BRIP1: variants seen among roughly 807,000 people sequenced by gnomAD.
BRIP1 encodes BRCA1 interacting DNA helicase 1.
BRIP1 carries 88 observed loss-of-function variants against 119.7 expected under a neutral mutation model. The ratio of observed to expected loss-of-function variants is 0.74; its 90% CI spans 0.62 to 0.88. The LOEUF (loss-of-function observed/expected upper bound fraction) is 0.88. Among genes scored for constraint, BRIP1 ranks in the 40% least tolerant of loss-of-function variants. The pLI is 0.00. For synonymous variants in BRIP1, 443 were observed against 496.5 expected, an observed-to-expected ratio of 0.89 and a Z score of 1.43; for missense variants, 1,259 against 1,455.4, an observed-to-expected ratio of 0.87 and a Z score of 2.20.
Position 61,755,452 on chromosome 17 carries a change from A to G in BRIP1, c.2098-10861T>C, listed in dbSNP as rs2077187951. On this transcript the variant is annotated intron_variant, in intron 14 of 19. Transcript: ENST00000259008. The surrounding 1 kb of genome is among the most constrained non-coding windows in gnomAD (Gnocchi z 4.5). ...TGTGTGCCTGTGATCCCAGTTACTC[A>G]GGAGGCTGAGGTGGGAGGACTGCTT... Among the ~76,000 whole-genome samples, 1 of 152,076 alleles carries G rather than the reference A, an allele frequency of 6.6e-6. No individual in the cohort carries two copies. Among genetic ancestry groups the G allele is most frequent in the Non-Finnish European group, 1.5e-5 (1 of 67,990 alleles).
chr17:61,771,961 C>CA (rs986446492), intron 14 of BRIP1, among the ~76,000 whole-genome samples: 5 of 151,052 alleles, frequency 3.3e-5, no homozygotes, highest in African/African-American at 1.2e-4. Context: ...GACTCCATCT[C>CA]AAAAAAAGAA....
chr17:61,711,934 C>T (rs1243076254), intron 17 of BRIP1, among the ~76,000 whole-genome samples: 1 of 151,682 alleles, frequency 6.6e-6, no homozygotes, highest in African/African-American at 2.4e-5. Flanking sequence ...CAGTGGGTGA[C>T]ATGTTCTAGG....
chr17:61,825,656 A>G lies in BRIP1; in HGVS notation c.628-16899T>C, dbSNP rs1264615547. 3.3e-5 allele frequency among the ~76,000 whole-genome samples: 5 copies of G among 151,126 alleles called. No individual in the cohort carries two copies. In the East Asian group the frequency reaches 7.7e-4, roughly 23 times the overall value. On this transcript the variant is annotated intron_variant, in intron 6 of 19. Transcript: ENST00000259008. This position sits in a 1 kb window ranked among gnomAD's most constrained non-coding sequence, Gnocchi z 4.1. ...AAATAAATAAATAAATAAATAAATA[A>G]ATAAATAAATAAAATAACTGGGAAT...
rs2145236078 is a variant in BRIP1, at chr17:61,793,504, C to G, written c.1473+93G>C. 1.6e-6 allele frequency: 2 copies of G among 1,216,278 alleles called. No homozygotes were observed. 75.3% of individuals were successfully genotyped at this position (1,216,278 alleles called of 1,614,324 possible). A position where few individuals can be genotyped will look rare whatever the true frequency, so the allele number is the denominator to read the frequency against. ...AATTAAATTGCTATATTTAACAATT[C>G]TGGGTTACTCACTAGATTTAATCTG... On this transcript the variant is annotated intron_variant, in intron 10 of 19. Coordinates refer to ENST00000259008, the MANE Select transcript of BRIP1 (RefSeq NM_032043.3). The surrounding 1 kb of genome is among the most constrained non-coding windows in gnomAD (Gnocchi z 5.2).
rs1049365514 is a variant in BRIP1, at chr17:61,808,957, G to A, written c.628-200C>T. ...TTGGTCCTCATTCTTTCTTTTAAAA[G>A]TTATAAATGATATTTCCAAATTTGC... On this transcript the variant is annotated intron_variant, in intron 6 of 19. Transcript: ENST00000259008. The surrounding 1 kb of genome is among the most constrained non-coding windows in gnomAD (Gnocchi z 4.1). Among the ~76,000 whole-genome samples, 3 of 152,046 alleles carry A rather than the reference G, an allele frequency of 2.0e-5. No individual in the cohort carries two copies. Among genetic ancestry groups the A allele is most frequent in the African/African-American group, 7.2e-5 (3 of 41,404 alleles).
chr17:61,799,347 T>C lies in BRIP1; in HGVS notation c.1141-48A>G, dbSNP rs775810811. The stretch of plus-strand genomic sequence containing the variant: ...TGTAAAACATTTGGCAAAATAGATT[T>C]AACAACAGCAGGCAAGATATTTCAT... On this transcript the variant is annotated intron_variant, in intron 8 of 19. Transcript: ENST00000259008. The surrounding 1 kb of genome is among the most constrained non-coding windows in gnomAD (Gnocchi z 5.1). The C allele has an allele frequency of 5.6e-6, 8 of 1,418,360 alleles. No homozygotes were observed. In the African/African-American group the frequency reaches 9.9e-5, roughly 18 times the overall value. The allele number at this position is 1,418,360 out of a possible 1,614,324, so 87.9% of individuals were successfully genotyped here. A position where few individuals can be genotyped will look rare whatever the true frequency, so the allele number is the denominator to read the frequency against.
chr17:61,698,715 T>A (rs1247235565), intron 17 of BRIP1, among the ~76,000 whole-genome samples: 3 of 152,058 alleles, frequency 2.0e-5, no homozygotes, highest in Non-Finnish European at 2.9e-5. Context: ...TTTTATTTTT[T>A]ATTTTTATTT....
intron 11 of BRIP1, 22 bp downstream of exon 11, chr17:61,784,248 C>T (rs2145134191): frequency 6.2e-7 from 1 of 1,602,144 alleles, no homozygotes. Flanking sequence ...AAGGAAAATA[C>T]ATACTAGTTA....
At position 61,730,974 on chromosome 17, in the gene BRIP1, A is replaced by C. The variant is rs1022214037; in HGVS notation, c.2379+12039T>G. Among the ~76,000 whole-genome samples the C allele has an allele frequency of 3.3e-5, 5 of 152,136 alleles. No homozygotes were observed. Among genetic ancestry groups the C allele is most frequent in the Non-Finnish European group, 7.4e-5 (5 of 68,006 alleles). On this transcript the variant is annotated intron_variant, in intron 16 of 19. Transcript: ENST00000259008. The surrounding 1 kb of genome is among the most constrained non-coding windows in gnomAD (Gnocchi z 4.3). ...TTTTGCTGGCCAAGGTAAATATACA[A>C]TTTATTAACCTAGACAGCTTACTTA...
rs1052684288 is a variant in BRIP1, at chr17:61,844,635, A to C, written c.627+2466T>G. Reference sequence around the variant, plus strand: ...ACAATTCCCAAGAAAAAAAAATCTTAATCACAGGTGACTCTATACTTGATT... The same window carrying C: ...ACAATTCCCAAGAAAAAAAAATCTTCATCACAGGTGACTCTATACTTGATT... On this transcript the variant is annotated intron_variant, in intron 6 of 19. Coordinates refer to ENST00000259008, the MANE Select transcript of BRIP1 (RefSeq NM_032043.3). This position sits in a 1 kb window ranked among gnomAD's most constrained non-coding sequence, Gnocchi z 4.7. 6.6e-6 allele frequency among the ~76,000 whole-genome samples: 1 copy of C among 152,184 alleles called. No homozygotes were observed. Among genetic ancestry groups the C allele is most frequent in the Non-Finnish European group, 1.5e-5 (1 of 68,026 alleles).
intron 16 of BRIP1, among the ~76,000 whole-genome samples, chr17:61,732,557 A>C (rs906495629): frequency 1.3e-5 from 2 of 152,204 alleles, no homozygotes; most frequent in Non-Finnish European, 2.9e-5. Context: ...CTGTTCTTCC[A>C]TAAATTATTG....
rs67186945 is a variant in BRIP1, at chr17:61,722,036, C to CT, written c.2380-5974dup. Among the ~76,000 whole-genome samples the CT allele has an allele frequency of 0.033, 4,696 of 141,846 alleles. 290 individuals are homozygous for CT. Among genetic ancestry groups the CT allele is most frequent in the African/African-American group, 0.11 (4,447 of 38,710 alleles). 93.1% of individuals were successfully genotyped at this position (141,846 alleles called of 152,430 possible). A position where few individuals can be genotyped will look rare whatever the true frequency, so the allele number is the denominator to read the frequency against. The stretch of plus-strand genomic sequence containing the variant: ...GAGCCACCACGCCTAGCCAACTTTG[C>CT]TTTTTTTTTTTTTCTTTTTTTTTGA... On this transcript the variant is annotated intron_variant, in intron 16 of 19. Transcript: ENST00000259008. This position sits in a 1 kb window ranked among gnomAD's most constrained non-coding sequence, Gnocchi z 4.6.
chr17:61,727,784 C>CTA (rs1220683712), intron 16 of BRIP1, among the ~76,000 whole-genome samples: 1 of 146,684 alleles, frequency 6.8e-6, no homozygotes, highest in African/African-American at 2.6e-5. Context: ...CTCTCTCTCT[C>CTA]TCTCTCTATA....
chr17:61,711,141 G>T (rs1403347915), intron 17 of BRIP1, among the ~76,000 whole-genome samples: 1 of 151,956 alleles, frequency 6.6e-6, no homozygotes, highest in Non-Finnish European at 1.5e-5. Flanking sequence ...GAAGTGATTG[G>T]TAGAAGAATC....
At chr17:61,835,500 C>A (rs2078557955) in intron 6 of BRIP1, among the ~76,000 whole-genome samples, 1 of 151,920 alleles carries the variant, frequency 6.6e-6, no homozygotes, top group Non-Finnish European at 1.5e-5. Context: ...CAGAAAGTAT[C>A]TAAAACCGAA....
rs2078825262 is a variant in BRIP1 at position 61,851,728 on chromosome 17, C to A, written c.380-2472G>T. 6.6e-6 allele frequency among the ~76,000 whole-genome samples: 1 copy of A among 152,110 alleles called. No homozygotes were observed. The highest frequency in any genetic ancestry group is 1.5e-5 in the Non-Finnish European group (1 of 68,034). ...CCTTGACCTGCTTCTTCAAAAGCATCCTGGCTATCCTTAGTCCTTTGCATT... is the reference window on the plus strand; with the variant it reads ...CCTTGACCTGCTTCTTCAAAAGCATACTGGCTATCCTTAGTCCTTTGCATT... On this transcript the variant is annotated intron_variant, in intron 4 of 19. Transcript: ENST00000259008. The surrounding 1 kb of genome is among the most constrained non-coding windows in gnomAD (Gnocchi z 4.6).
At chr17:61,694,699 T>C (rs2144198778) in intron 17 of BRIP1, among the ~76,000 whole-genome samples, 1 of 152,126 alleles carries the variant, frequency 6.6e-6, no homozygotes, top group South Asian at 2.1e-4. Context: ...TGTATACCCT[T>C]CTAAAAATAT....
At chr17:61,696,908 C>A (rs190780244) in intron 17 of BRIP1, among the ~76,000 whole-genome samples, 2 of 146,492 alleles carry the variant, frequency 1.4e-5, no homozygotes, top group Non-Finnish European at 3.0e-5. Context: ...ATGGCGTGAA[C>A]CTGGGAGGTG....
At chr17:61,850,648 C>T (rs562491445) in intron 4 of BRIP1, among the ~76,000 whole-genome samples, 1 of 151,338 alleles carries the variant, frequency 6.6e-6, no homozygotes, top group Non-Finnish European at 1.5e-5. Flanking sequence ...GGCAACATGG[C>T]GAAATCCCAT....
Sources: allele counts gnomAD v4.1 joint callset (sites outside exome capture counted in the v4.1 genomes callset), GRCh38; gene constraint gnomAD v4.1.1; non-coding constraint Gnocchi (gnomAD v3.1); transcripts MANE v1.5; gene names NCBI Gene and HGNC (gene_info 2026-07-23, HGNC 2026-07-21).